Variants in ARHGEF26 observed in about 807,000 individuals in gnomAD.
The protein encoded by ARHGEF26 is Rho guanine nucleotide exchange factor 26.
A neutral mutation model predicts 89.4 loss-of-function variants in ARHGEF26; 59 were observed. The ratio of observed to expected loss-of-function variants is 0.66; its 90% CI spans 0.54 to 0.82. The LOEUF is 0.82. ARHGEF26 is among the 40% of genes least tolerant of loss of function. ARHGEF26 has a pLI of 0.00. For missense variants in ARHGEF26, 1,234 were observed against 1,085.6 expected (o/e 1.14, Z -1.92); for synonymous variants, 500 against 428.4 (o/e 1.17, Z -2.06).
chr3:154,189,589 TG>T (rs1713824175), intron 7 of ARHGEF26, among the ~76,000 whole-genome samples: 1 of 152,074 alleles, frequency 6.6e-6, no homozygotes, highest in Non-Finnish European at 1.5e-5. Flanking sequence ...CACCTGTCTC[TG>T]CCTCCCAAAG....
intron 8 of ARHGEF26, among the ~76,000 whole-genome samples, chr3:154,193,184 T>C (rs982770842): frequency 1.2e-4 from 18 of 152,316 alleles, no homozygotes; most frequent in African/African-American, 4.3e-4. Flanking sequence ...CATAAACCAG[T>C]ATTTTTCATG....
chr3:154,167,612 A>T lies in ARHGEF26; in HGVS notation c.1487+14680A>T, dbSNP rs1712128213. ...GTATGGAACAGCTTAATAAACCAAC[A>T]TTTCTGCACTGTAGTTAAATTGATC... On this transcript the variant is annotated intron_variant, in intron 6 of 14. Transcript: ENST00000465093. Among the ~76,000 whole-genome samples, 9 of 152,308 alleles carry T rather than the reference A, an allele frequency of 5.9e-5. No individual in the cohort carries two copies. In the South Asian group the frequency reaches 1.9e-3, roughly 32 times the overall value.
At chr3:154,145,384 C>A (rs547341020) in intron 4 of ARHGEF26, among the ~76,000 whole-genome samples, 1 of 152,204 alleles carries the variant, frequency 6.6e-6, no homozygotes, top group Admixed American at 6.5e-5. Context: ...AGAAAAGAAG[C>A]CTGTAAGTAG....
chr3:154,124,037 T>C (rs1718167738), intron 2 of ARHGEF26, among the ~76,000 whole-genome samples: 1 of 152,020 alleles, frequency 6.6e-6, no homozygotes, highest in Admixed American at 6.5e-5. Context: ...CCCGTGGTCT[T>C]AAAGAAAATA....
intron 6 of ARHGEF26, among the ~76,000 whole-genome samples, chr3:154,156,501 A>T (rs1459319981): frequency 1.3e-5 from 2 of 152,082 alleles, no homozygotes; most frequent in East Asian, 1.9e-4. Context: ...TTTAATATGG[A>T]TATCTGCCTT....
rs778948077 is a variant in ARHGEF26, at chr3:154,122,435, G to T, written c.443G>T (p.Arg148Leu). ...PPPPPVLRPP[R>L]TPNAPAPCTP... The stretch of plus-strand genomic sequence containing the variant: ...CCGCCGCCGGTTCTGCGCCCCCCGC[G>T]GACTCCTAACGCGCCCGCCCCCTGC... The change falls in exon 2 of 15, where the codon CGG becomes CTG. Residue 148 changes from arginine to leucine, a missense_variant. Transcript: ENST00000465093. 6.8e-6 allele frequency: 11 copies of T among 1,611,230 alleles called. No individual in the cohort carries two copies. The South Asian group carries it at 1.1e-4, about 16-fold the overall frequency.
At chr3:154,161,467 A>T (rs1408306996) in intron 6 of ARHGEF26, among the ~76,000 whole-genome samples, 2 of 152,138 alleles carry the variant, frequency 1.3e-5, no homozygotes, top group African/African-American at 4.8e-5. Context: ...ATAACACTAG[A>T]CAAGTTCTTT....
chr3:154,239,688 AG>A (rs1215499022), intron 11 of ARHGEF26, among the ~76,000 whole-genome samples: 2 of 152,142 alleles, frequency 1.3e-5, no homozygotes, highest in Non-Finnish European at 2.9e-5. Flanking sequence ...GTACAGTGGA[AG>A]GGGTTCAGGA....
At chr3:154,184,388 A>G (rs1274286206) in intron 6 of ARHGEF26, among the ~76,000 whole-genome samples, 1 of 152,246 alleles carries the variant, frequency 6.6e-6, no homozygotes. Context: ...TCTTAACTAT[A>G]TAGTACCTAG....
At chr3:154,123,986 G>A (rs1718164325) in intron 2 of ARHGEF26, among the ~76,000 whole-genome samples, 1 of 152,114 alleles carries the variant, frequency 6.6e-6, no homozygotes, top group African/African-American at 2.4e-5. Context: ...TATATAAATG[G>A]CACATATGCA....
intron 12 of ARHGEF26, among the ~76,000 whole-genome samples, chr3:154,244,477 A>G (rs1315547582): frequency 6.6e-6 from 1 of 152,138 alleles, no homozygotes; most frequent in Non-Finnish European, 1.5e-5. Context: ...CTAGAGGAGG[A>G]CAGAATTTTG....
At chr3:154,236,587 A>G (rs948508401) in intron 11 of ARHGEF26, among the ~76,000 whole-genome samples, 13 of 152,228 alleles carry the variant, frequency 8.5e-5, no homozygotes, top group African/African-American at 3.1e-4. Context: ...AACATGGGGA[A>G]GTCTGATTAG....
At chr3:154,244,265 CAGT>C (rs1216711781) in intron 12 of ARHGEF26, among the ~76,000 whole-genome samples, 12 of 152,092 alleles carry the variant, frequency 7.9e-5, no homozygotes, top group African/African-American at 2.9e-4. Flanking sequence ...GTAAAATCAG[CAGT>C]AGGAGGGGTG....
In ARHGEF26 at chr3:154,216,486, T is replaced by TTA. The variant is rs1559905535; in HGVS notation, c.1846-1382_1846-1381insAT. ...TTCCCTCTTCAGCACTTGTTTTTTTTTTTTTATTTTTTTTTATTTTTTATT... is the reference window on the plus strand; with the variant it reads ...TTCCCTCTTCAGCACTTGTTTTTTTTTATTTTTATTTTTTTTTATTTTTTATT... On this transcript the variant is annotated intron_variant, in intron 9 of 14. Transcript: ENST00000465093. Among the ~76,000 whole-genome samples, 9 of 26,854 alleles carry TTA rather than the reference T, an allele frequency of 3.4e-4. 1 individual carries two copies. Among genetic ancestry groups the TTA allele is most frequent in the East Asian group, 8.8e-3 (1 of 114 alleles). The allele number at this position is 26,854 out of a possible 152,430, so 17.6% of individuals were successfully genotyped here.
Position 154,253,579 on chromosome 3 carries a change from A to T in ARHGEF26, c.2368+396A>T, listed in dbSNP as rs113963015. On this transcript the variant is annotated intron_variant, in intron 13 of 14. Coordinates refer to ENST00000465093, the MANE Select transcript of ARHGEF26 (RefSeq NM_015595.4). ...GTGGGCAACAGTTGATCATGTTTAAACCTTCTACATACTGACAGTCTGGAT... is the reference window on the plus strand; with the variant it reads ...GTGGGCAACAGTTGATCATGTTTAATCCTTCTACATACTGACAGTCTGGAT... Among the ~76,000 whole-genome samples the T allele has an allele frequency of 8.5e-3, 1,294 of 152,318 alleles. 19 individuals carry two copies. The highest frequency in any genetic ancestry group is 0.029 in the African/African-American group (1,226 of 41,574).
At chr3:154,245,239 G>T (rs897852847) in intron 12 of ARHGEF26, among the ~76,000 whole-genome samples, 2 of 152,038 alleles carry the variant, frequency 1.3e-5, no homozygotes, top group East Asian at 1.9e-4. Context: ...TGTTGGCCAG[G>T]CTGGTCTCAA....
chr3:154,226,268 A>G lies in ARHGEF26; in HGVS notation c.2090+258A>G, dbSNP rs114537656. The stretch of plus-strand genomic sequence containing the variant: ...GCATTTTACACATTTATATCATTCA[A>G]TTCTTATGATATCCCTGAGAAGGTA... On this transcript the variant is annotated intron_variant, in intron 11 of 14. Transcript: ENST00000465093. Among the ~76,000 whole-genome samples the G allele has an allele frequency of 3.1e-3, 477 of 152,268 alleles. 3 individuals are homozygous for G. The highest frequency in any genetic ancestry group is 0.011 in the African/African-American group (461 of 41,560).
chr3:154,205,436 A>G (rs1472242351), intron 9 of ARHGEF26, among the ~76,000 whole-genome samples: 2 of 152,020 alleles, frequency 1.3e-5, no homozygotes, highest in African/African-American at 4.8e-5. Flanking sequence ...GCAACAGATC[A>G]ATCAGTCTTG....
chr3:154,203,468 G>C (rs1014102399), intron 9 of ARHGEF26, among the ~76,000 whole-genome samples: 12 of 152,098 alleles, frequency 7.9e-5, no homozygotes, highest in Non-Finnish European at 1.6e-4. Context: ...AATTTGGATG[G>C]TGTTTATATC....
Sources: gnomAD v4.1 joint callset for allele counts (sites outside exome capture counted in the v4.1 genomes callset) on GRCh38, gnomAD v4.1.1 for gene constraint, MANE v1.5 for transcripts, NCBI Gene and HGNC (gene_info 2026-07-23, HGNC 2026-07-21) for gene names.